ADAMTSL1: variants seen among roughly 807,000 people sequenced by gnomAD.
ADAMTSL1 encodes ADAMTS like 1.
A neutral mutation model predicts 201.8 loss-of-function variants in ADAMTSL1; 126 were observed. That is an observed-to-expected ratio of 0.62 (90% confidence interval 0.54 to 0.72). The LOEUF (loss-of-function observed/expected upper bound fraction) is 0.72, where lower values mean the gene tolerates loss of function less well. Ranked by LOEUF, ADAMTSL1 falls within the 30% of genes least tolerant of loss-of-function variation. ADAMTSL1 has a pLI of 0.00. For missense variants in ADAMTSL1, 2,679 were observed against 2,277.8 expected (o/e 1.18, Z -3.59); for synonymous variants, 1,121 against 903.4 (o/e 1.24, Z -4.32).
At chr9:18,736,855 C>G (rs1334016440) in intron 15 of ADAMTSL1, among the ~76,000 whole-genome samples, 1 of 152,240 alleles carries the variant, frequency 6.6e-6, no homozygotes, top group Non-Finnish European at 1.5e-5. Flanking sequence ...CCTACCCCAA[C>G]ATTTATGCCA....
intron 2 of ADAMTSL1, among the ~76,000 whole-genome samples, chr9:18,297,500 C>T (rs1833520584): frequency 6.6e-6 from 1 of 151,894 alleles, no homozygotes; most frequent in African/African-American, 2.4e-5. Context: ...TTATAACTAG[C>T]CCCAAGGCAT....
chr9:18,518,181 T>G (rs1216159380), intron 2 of ADAMTSL1, among the ~76,000 whole-genome samples: 1 of 152,180 alleles, frequency 6.6e-6, no homozygotes, highest in Non-Finnish European at 1.5e-5. Flanking sequence ...AGGGGGTACA[T>G]GTGCATGTTT....
chr9:18,590,390 T>G (rs1304493464), intron 4 of ADAMTSL1, among the ~76,000 whole-genome samples: 2 of 152,108 alleles, frequency 1.3e-5, no homozygotes, highest in African/African-American at 4.8e-5. Context: ...TTTTAATTAT[T>G]TGAGTCTTCT....
intron 9 of ADAMTSL1, among the ~76,000 whole-genome samples, chr9:18,674,457 C>A (rs1042284626): frequency 6.6e-6 from 1 of 151,734 alleles, no homozygotes; most frequent in Non-Finnish European, 1.5e-5. Context: ...CTATGCAGGC[C>A]CCTTTATCCC....
chr9:18,101,483 G>A (rs886631299), intron 1 of ADAMTSL1, among the ~76,000 whole-genome samples: 11 of 150,554 alleles, frequency 7.3e-5, no homozygotes, highest in African/African-American at 2.7e-4. Flanking sequence ...GGGCAACAGG[G>A]TGAGACTCCG....
chr9:18,099,869 G>A (rs999973869), intron 1 of ADAMTSL1, among the ~76,000 whole-genome samples: 11 of 151,790 alleles, frequency 7.2e-5, no homozygotes, highest in South Asian at 2.1e-4. Flanking sequence ...CTCGTGATCC[G>A]CCCACCTCAG....
At chr9:18,178,082 G>C (rs1410788075) in intron 2 of ADAMTSL1, among the ~76,000 whole-genome samples, 1 of 152,232 alleles carries the variant, frequency 6.6e-6, no homozygotes, top group East Asian at 1.9e-4. Flanking sequence ...CGACGCAGAA[G>C]AAGGGTGATT....
intron 16 of ADAMTSL1, among the ~76,000 whole-genome samples, chr9:18,759,049 T>G (rs1402762372): frequency 2.0e-5 from 3 of 152,232 alleles, no homozygotes; most frequent in Non-Finnish European, 4.4e-5. Flanking sequence ...TGGTCCACTT[T>G]GAAACACAAT....
At chr9:18,174,647 G>A (rs898950154) in intron 2 of ADAMTSL1, among the ~76,000 whole-genome samples, 2 of 152,104 alleles carry the variant, frequency 1.3e-5, no homozygotes, top group Admixed American at 1.3e-4. Context: ...CTATTTCAGA[G>A]TAGGTAGAAA....
chr9:18,476,167 CT>C (rs1821440563), intron 1 of ADAMTSL1, among the ~76,000 whole-genome samples: 1 of 152,102 alleles, frequency 6.6e-6, no homozygotes, highest in African/African-American at 2.4e-5. Flanking sequence ...ACATACATCC[CT>C]TTGCCAAGCA....
intron 1 of ADAMTSL1, among the ~76,000 whole-genome samples, chr9:17,911,395 G>T (rs1262200392): frequency 1.5e-5 from 1 of 68,678 alleles, no homozygotes; most frequent in African/African-American, 2.9e-5. Flanking sequence ...CAACCTGACT[G>T]TAGCAATCCA....
intron 2 of ADAMTSL1, among the ~76,000 whole-genome samples, chr9:18,365,913 C>G (rs12350298): frequency 0.33 from 49,974 of 151,812 alleles, 8,477 homozygotes; most frequent in Admixed American, 0.44. Flanking sequence ...TGGGAGGGAG[C>G]TGGGTTGTGT....
At chr9:18,120,424 G>A (rs1825448027) in intron 1 of ADAMTSL1, among the ~76,000 whole-genome samples, 2 of 152,326 alleles carry the variant, frequency 1.3e-5, no homozygotes, top group Admixed American at 1.3e-4. Context: ...GGGAATGGAG[G>A]AGGTGTCAGG....
At chr9:18,871,916 G>T (rs1827892279) in intron 23 of ADAMTSL1, among the ~76,000 whole-genome samples, 1 of 152,104 alleles carries the variant, frequency 6.6e-6, no homozygotes, top group Non-Finnish European at 1.5e-5. Context: ...GCGTCTTCAG[G>T]CATCTTCAGG....
intron 2 of ADAMTSL1, among the ~76,000 whole-genome samples, chr9:18,350,584 G>C (rs1260189240): frequency 6.6e-6 from 1 of 152,114 alleles, no homozygotes; most frequent in African/African-American, 2.4e-5. Flanking sequence ...CAGAAAGGTA[G>C]GGGGTGTTCT....
chr9:18,184,784 A>G (rs190361260), intron 2 of ADAMTSL1, among the ~76,000 whole-genome samples: 47 of 152,308 alleles, frequency 3.1e-4, no homozygotes, highest in African/African-American at 1.1e-3. Context: ...CTGGCTTGAG[A>G]TTTCATCCGT....
At chr9:18,803,724 A>G (rs1822938521) in intron 20 of ADAMTSL1, among the ~76,000 whole-genome samples, 1 of 152,226 alleles carries the variant, frequency 6.6e-6, no homozygotes, top group Admixed American at 6.5e-5. Flanking sequence ...TCAAATTTTT[A>G]AAAATCCTTT....
chr9:18,729,380 A>C (rs1162636087), intron 15 of ADAMTSL1, among the ~76,000 whole-genome samples: 1 of 152,220 alleles, frequency 6.6e-6, no homozygotes. Context: ...TATTAGTTAC[A>C]AAACAGGAAC....
upstream of ADAMTSL1, among the ~76,000 whole-genome samples, chr9:18,470,140 G>T (rs1821150778): frequency 6.6e-6 from 1 of 152,136 alleles, no homozygotes; most frequent in Non-Finnish European, 1.5e-5. Context: ...CAAATTTCCT[G>T]CCTGCTAATA....
Sources: allele counts gnomAD v4.1 joint callset (sites outside exome capture counted in the v4.1 genomes callset), GRCh38; gene constraint gnomAD v4.1.1; transcripts MANE v1.5; gene names NCBI Gene and HGNC (gene_info 2026-07-23, HGNC 2026-07-21).